DDC: variants seen among roughly 807,000 people sequenced by gnomAD.
DDC encodes aromatic-L-amino-acid decarboxylase.
Under a neutral mutation model 60.0 loss-of-function variants are expected in DDC, and 43 were observed. The ratio of observed to expected loss-of-function variants is 0.72; its 90% confidence interval spans 0.56 to 0.92. DDC has a LOEUF of 0.92. DDC is among the 40% of genes least tolerant of loss of function. The pLI, the probability that DDC is intolerant of heterozygous loss-of-function variation, is 0.00. For synonymous variants in DDC, 232 were observed against 234.6 expected, an observed-to-expected ratio of 0.99 and a Z score of 0.10; for missense variants, 573 against 620.2, an observed-to-expected ratio of 0.92 and a Z score of 0.81.
intron 10 of DDC, among the ~76,000 whole-genome samples, chr7:50,478,809 A>G (rs2042705298): frequency 1.7e-5 from 1 of 60,518 alleles, no homozygotes; most frequent in African/African-American, 5.8e-5. Flanking sequence ...TAAGTGGTGC[A>G]GAGTTAAAGC....
intron 6 of DDC, among the ~76,000 whole-genome samples, chr7:50,509,531 T>G (rs1171831699): frequency 6.6e-6 from 1 of 152,232 alleles, no homozygotes; most frequent in Non-Finnish European, 1.5e-5. Flanking sequence ...GGCAAACTTC[T>G]TTATAAAGGA....
intron 5 of DDC, 80 bp from the exon 6 acceptor site, chr7:50,528,360 G>T: frequency 6.4e-7 from 1 of 1,573,734 alleles, no homozygotes. Flanking sequence ...GCAGAGAGCA[G>T]CCAACATTGC....
intron 13 of DDC, among the ~76,000 whole-genome samples, chr7:50,464,145 T>A (rs902324062): frequency 2.0e-5 from 3 of 151,670 alleles, no homozygotes; most frequent in Non-Finnish European, 4.4e-5. Context: ...AGCCATGGAG[T>A]CTTAAATAGA....
In DDC at chr7:50,479,828, C is replaced by T; in HGVS notation, c.980G>A (p.Arg327Lys). Reference protein sequence around the residue: ...KKRTDLTGAFRLDPTYLKHSH... With the variant: ...KKRTDLTGAFKLDPTYLKHSH... ...GTGCTTCAGGTAAGTGGGGTCCAGT[C>T]TAAAGGCTCCCGTTAAGTCTGTTCT... is the stretch of plus-strand genomic sequence containing the variant. Residue 327 changes from arginine (R) to lysine (K), a missense_variant, in exon 10 of 15, where the codon AGA becomes AAA. Transcript: ENST00000444124. 9.9e-6 allele frequency: 16 copies of T among 1,613,828 alleles called. No homozygotes were observed. The highest frequency in any genetic ancestry group is 1.4e-5 in the Non-Finnish European group (16 of 1,180,026).
chr7:50,463,464 G>GAGACCTGAGCACA, intron 13 of DDC, 33 bp from the exon 14 acceptor site: 1 of 1,588,274 alleles, frequency 6.3e-7, no homozygotes, highest in Non-Finnish European at 8.6e-7. Context: ...ACTGTGCTCA[G>GAGACCTGAGCACA]GTCTCTGAGG....
intron 7 of DDC, 146 bp from the exon 8 acceptor site, chr7:50,499,388 C>T (rs2043199080): frequency 2.9e-6 from 2 of 697,496 alleles, no homozygotes; most frequent in African/African-American, 3.5e-5. Context: ...CAAAAGGCCC[C>T]CTCATTCAAA....
intron 8 of DDC, among the ~76,000 whole-genome samples, 167 bp downstream of exon 8, chr7:50,498,981 G>A (rs2043183693): frequency 6.6e-6 from 1 of 152,196 alleles, no homozygotes; most frequent in African/African-American, 2.4e-5. Context: ...CTGTATGGCT[G>A]GGGAAGGCTC....
Position 50,476,614 on chromosome 7 carries a change from TCCCA to T in DDC, c.1041+6_1041+9del, listed in dbSNP as rs1275772429. 1 of 1,611,108 alleles carries T rather than the reference TCCCA, an allele frequency of 6.2e-7. No homozygotes were observed. Among genetic ancestry groups the T allele is most frequent in the Admixed American group, 1.7e-5 (1 of 60,006 alleles). On this transcript the variant is annotated splice_donor_region_variant and intron_variant, in intron 11 of 14. Transcript: ENST00000444124. ...TAGCATTTGAGATTACAGTGGAATCTCCCACTTACCCGGTAGTCAGTGATAAGCC... is the reference window on the plus strand; with the variant it reads ...TAGCATTTGAGATTACAGTGGAATCTCTTACCCGGTAGTCAGTGATAAGCC...
intron 14 of DDC, among the ~76,000 whole-genome samples, chr7:50,460,987 A>G (rs2042260159): frequency 6.6e-6 from 1 of 151,374 alleles, no homozygotes; most frequent in South Asian, 2.1e-4. Context: ...CCCTCCCTCC[A>G]CTATTGTCCT....
At position 50,529,749 on chromosome 7, in the gene DDC, C is replaced by T. The variant is rs780415606; in HGVS notation, c.436-407G>A. On this transcript the variant is annotated intron_variant, in intron 4 of 14. Transcript: ENST00000444124. Reference sequence around the variant, plus strand: ...ATATTCACTCGGACAGAGCGATTTGCATTTGTTTATAAAATAGGGGTGCAT... The same window carrying T: ...ATATTCACTCGGACAGAGCGATTTGTATTTGTTTATAAAATAGGGGTGCAT... Among the ~76,000 whole-genome samples, 65 of 152,278 alleles carry T rather than the reference C, an allele frequency of 4.3e-4. 1 individual carries two copies. Among genetic ancestry groups the T allele is most frequent in the Middle Eastern group, 6.8e-3 (2 of 294 alleles).
At chr7:50,552,689 C>A (rs1178229619) in intron 1 of DDC, among the ~76,000 whole-genome samples, 1 of 152,156 alleles carries the variant, frequency 6.6e-6, no homozygotes, top group Non-Finnish European at 1.5e-5. Flanking sequence ...TTTGCAGGAC[C>A]AGTCAGGGGC....
At chr7:50,472,636 T>C (rs1374461919) in intron 11 of DDC, among the ~76,000 whole-genome samples, 1 of 152,156 alleles carries the variant, frequency 6.6e-6, no homozygotes, top group Non-Finnish European at 1.5e-5. Context: ...ACAGGCATAA[T>C]GATGCCCACT....
At position 50,529,322 on chromosome 7, in the gene DDC, G is replaced by A. The variant is rs756013295; in HGVS notation, c.456C>T (p.Thr152=). ...TCCGAGCGGCCAGCAGGGCCACCAG[G>A]GTGGCTTCACTGGCACTTCCCTAAA... ...GVIQGSASEA[T]LVALLAARTK... Residue 152 remains threonine (T), a synonymous_variant, in exon 5 of 15, where the codon ACC becomes ACT. Coordinates refer to ENST00000444124, the MANE Select transcript of DDC (RefSeq NM_001082971.2). 1.2e-6 allele frequency: 2 copies of A among 1,614,088 alleles called. No individual in the cohort carries two copies. Among genetic ancestry groups the A allele is most frequent in the Non-Finnish European group, 1.7e-6 (2 of 1,179,996 alleles).
intron 10 of DDC, 150 bp downstream of exon 10, chr7:50,479,637 G>T: frequency 1.3e-6 from 1 of 783,922 alleles, no homozygotes; most frequent in East Asian, 2.6e-5. Context: ...TGGGCTACAA[G>T]GGCAAATCCA....
chr7:50,520,505 T>A (rs567294716), intron 6 of DDC, among the ~76,000 whole-genome samples: 59 of 152,226 alleles, frequency 3.9e-4, no homozygotes, highest in African/African-American at 1.4e-3. Flanking sequence ...TGGGATGCAG[T>A]GAAACAGTAC....
chr7:50,559,708 G>A (rs930365211), intron 1 of DDC, among the ~76,000 whole-genome samples: 11 of 152,342 alleles, frequency 7.2e-5, no homozygotes, highest in South Asian at 2.1e-4. Flanking sequence ...GATTACAGGC[G>A]TGAGCCACTG....
At chr7:50,479,609 T>C (rs543000876) in intron 10 of DDC, among the ~76,000 whole-genome samples, 178 bp downstream of exon 10, 1 of 152,034 alleles carries the variant, frequency 6.6e-6, no homozygotes, top group Non-Finnish European at 1.5e-5. Flanking sequence ...CCAAGCCTCT[T>C]AACCAACCCA....
At chr7:50,551,522 C>T (rs1050587188) in intron 1 of DDC, among the ~76,000 whole-genome samples, 4 of 152,100 alleles carry the variant, frequency 2.6e-5, no homozygotes, top group African/African-American at 7.2e-5. Context: ...CGTGAGCCAC[C>T]GCGCCCGGCC....
intron 1 of DDC, among the ~76,000 whole-genome samples, chr7:50,559,770 T>G (rs1261102299): frequency 3.9e-5 from 6 of 152,214 alleles, no homozygotes; most frequent in African/African-American, 9.7e-5. Flanking sequence ...GTGGTTTTCC[T>G]AGAGCCGTTC....
Sources: allele counts gnomAD v4.1 joint callset (sites outside exome capture counted in the v4.1 genomes callset), GRCh38; gene constraint gnomAD v4.1.1; transcripts MANE v1.5; gene names NCBI Gene and HGNC (gene_info 2026-07-23, HGNC 2026-07-21).